DIS3L2: variants seen among roughly 807,000 people sequenced by gnomAD.
The protein encoded by DIS3L2 is DIS3 like 3'-5' exoribonuclease 2.
A neutral mutation model predicts 97.5 loss-of-function variants in DIS3L2; 34 were observed. The ratio of observed to expected loss-of-function variants is 0.35; its 90% confidence interval spans 0.27 to 0.46. The LOEUF is 0.46. Among genes scored for constraint, DIS3L2 ranks in the 20% least tolerant of loss-of-function variants. The pLI, the probability that DIS3L2 is intolerant of heterozygous loss-of-function variation, is 1.00. For synonymous variants in DIS3L2, 435 were observed against 445.2 expected, an observed-to-expected ratio of 0.98 and a Z score of 0.29; for missense variants, 1,038 against 1,146.0, an observed-to-expected ratio of 0.91 and a Z score of 1.36.
chr2:232,098,199 A>G (rs3100588), intron 6 of DIS3L2, among the ~76,000 whole-genome samples: 72,926 of 151,944 alleles, frequency 0.48, 19,319 homozygotes, highest in Non-Finnish European at 0.6. Flanking sequence ...AGAAATATAC[A>G]CAGAGGACAA....
chr2:232,201,480 T>C (rs6742242), intron 9 of DIS3L2, among the ~76,000 whole-genome samples: 84,092 of 152,134 alleles, frequency 0.55, 26,364 homozygotes, highest in East Asian at 0.83. Context: ...AAAAAAGCAA[T>C]GTTATATTTG....
intron 1 of DIS3L2, among the ~76,000 whole-genome samples, chr2:231,983,706 C>T (rs1444422900): frequency 6.6e-6 from 1 of 151,994 alleles, no homozygotes; most frequent in Non-Finnish European, 1.5e-5. Flanking sequence ...CTGCCTAACA[C>T]GTTGAAACAC....
intron 10 of DIS3L2, among the ~76,000 whole-genome samples, chr2:232,212,514 G>A (rs951876586): frequency 6.6e-5 from 10 of 152,264 alleles, no homozygotes; most frequent in African/African-American, 2.4e-4. Flanking sequence ...TTATGTCTAG[G>A]GCCCAAGTGT....
At chr2:232,098,135 C>G (rs188320059) in intron 6 of DIS3L2, among the ~76,000 whole-genome samples, 1 of 152,260 alleles carries the variant, frequency 6.6e-6, no homozygotes, top group Admixed American at 6.5e-5. Context: ...CCACAGTGTT[C>G]TAAGACCCAA....
At chr2:231,992,133 T>A (rs1693602903) in intron 1 of DIS3L2, among the ~76,000 whole-genome samples, 1 of 152,160 alleles carries the variant, frequency 6.6e-6, no homozygotes, top group Admixed American at 6.5e-5. Flanking sequence ...TATCAAAGAT[T>A]TCGTGGTCAA....
chr2:232,037,561 A>G lies in DIS3L2; in HGVS notation c.366+7481A>G, dbSNP rs990294119. Among the ~76,000 whole-genome samples, 1 of 152,100 alleles carries G rather than the reference A, an allele frequency of 6.6e-6. No homozygotes were observed. The highest frequency in any genetic ancestry group is 2.4e-5 in the African/African-American group (1 of 41,420). Reference sequence around the variant, plus strand: ...GGGTGAACAGTTCTCTCTCACTGGTATACCAGGAGTCACTGGGGTACGAAA... The same window carrying G: ...GGGTGAACAGTTCTCTCTCACTGGTGTACCAGGAGTCACTGGGGTACGAAA... On this transcript the variant is annotated intron_variant, in intron 5 of 20. Coordinates refer to ENST00000325385, the MANE Select transcript of DIS3L2 (RefSeq NM_152383.5). This position sits in a 1 kb window ranked among gnomAD's most constrained non-coding sequence, Gnocchi z 4.6.
At chr2:232,265,457 C>T (rs999009017) in intron 13 of DIS3L2, among the ~76,000 whole-genome samples, 1 of 152,254 alleles carries the variant, frequency 6.6e-6, no homozygotes, top group African/African-American at 2.4e-5. Context: ...AGCCAGTGCT[C>T]ATCCTTCCCT....
chr2:232,041,421 G>A (rs982659384), intron 5 of DIS3L2, among the ~76,000 whole-genome samples: 24 of 152,136 alleles, frequency 1.6e-4, no homozygotes, highest in Non-Finnish European at 3.1e-4. Context: ...AGAAATGTGG[G>A]ACTGTTTTGT....
chr2:232,183,102 C>A (rs956983599), intron 9 of DIS3L2, among the ~76,000 whole-genome samples: 2 of 152,118 alleles, frequency 1.3e-5, no homozygotes, highest in African/African-American at 2.4e-5. Context: ...GAAACCTCAC[C>A]CCTTTCACCA....
chr2:232,004,068 C>T (rs1003736565), intron 1 of DIS3L2, among the ~76,000 whole-genome samples: 3 of 148,092 alleles, frequency 2.0e-5, no homozygotes, highest in African/African-American at 7.3e-5. Context: ...AAATCAATTC[C>T]CCTTATTTAT....
intron 5 of DIS3L2, among the ~76,000 whole-genome samples, chr2:232,048,789 G>T (rs1186515907): frequency 6.6e-6 from 1 of 151,998 alleles, no homozygotes; most frequent in South Asian, 2.1e-4. Context: ...GTTGAAGGAG[G>T]TTGTTTATTA....
chr2:232,326,448 A>G (rs1402531062), intron 14 of DIS3L2, among the ~76,000 whole-genome samples: 5 of 152,110 alleles, frequency 3.3e-5, no homozygotes, highest in African/African-American at 1.2e-4. Flanking sequence ...CCCACCTTCC[A>G]GCCACCCCAG....
intron 5 of DIS3L2, among the ~76,000 whole-genome samples, chr2:232,086,463 A>G (rs1231116915): frequency 6.8e-6 from 1 of 148,138 alleles, no homozygotes; most frequent in African/African-American, 2.5e-5. Flanking sequence ...TGCAGATTGT[A>G]TAACAAAGTC....
At chr2:232,113,026 G>A (rs964431383) in intron 6 of DIS3L2, among the ~76,000 whole-genome samples, 12 of 152,038 alleles carry the variant, frequency 7.9e-5, no homozygotes, top group Non-Finnish European at 1.5e-4. Flanking sequence ...AAAATGGGCT[G>A]TGATGAGGTT....
downstream of DIS3L2, among the ~76,000 whole-genome samples, chr2:232,338,472 G>A (rs1473150848): frequency 2.0e-5 from 3 of 152,170 alleles, no homozygotes; most frequent in African/African-American, 7.2e-5. Context: ...AGAGCATGGC[G>A]GGTCCCTGGA....
At chr2:232,229,558 G>A (rs1482603671) in intron 10 of DIS3L2, among the ~76,000 whole-genome samples, 4 of 152,198 alleles carry the variant, frequency 2.6e-5, no homozygotes, top group South Asian at 2.1e-4. Flanking sequence ...AGCCTCGCAA[G>A]TTCAGCTCCT....
Position 232,330,734 on chromosome 2 carries a change from C to T in DIS3L2, c.1968C>T (p.Ala656=), listed in dbSNP as rs751457588. ...QTFGDDKYSL[A]RKEVLTNMCS... The stretch of plus-strand genomic sequence containing the variant: ...TTGGAGATGACAAGTACTCACTGGC[C>T]CGCAAGGAGGTGCTCACCAACATGT... The change falls in exon 16 of 21, where the codon GCC becomes GCT. Residue 656 remains alanine, a synonymous_variant. Coordinates refer to ENST00000325385, the MANE Select transcript of DIS3L2 (RefSeq NM_152383.5). 5 of 1,613,656 alleles carry T rather than the reference C, an allele frequency of 3.1e-6. No homozygotes were observed. In the South Asian group the frequency reaches 5.5e-5, roughly 18 times the overall value.
At chr2:232,090,316 A>C (rs887565491) in intron 6 of DIS3L2, among the ~76,000 whole-genome samples, 1 of 151,954 alleles carries the variant, frequency 6.6e-6, no homozygotes, top group Admixed American at 6.6e-5. Context: ...TTCTTTTTGC[A>C]TCCTTCCTAG....
chr2:232,247,090 C>A (rs1314174444), intron 11 of DIS3L2, among the ~76,000 whole-genome samples: 3 of 152,182 alleles, frequency 2.0e-5, no homozygotes, highest in African/African-American at 7.2e-5. Context: ...TAAGATACTG[C>A]CGTGAACACT....
Sources: gnomAD v4.1 joint callset for allele counts (sites outside exome capture counted in the v4.1 genomes callset) on GRCh38, gnomAD v4.1.1 for gene constraint, Gnocchi (gnomAD v3.1) non-coding constraint, MANE v1.5 for transcripts, NCBI Gene and HGNC (gene_info 2026-07-23, HGNC 2026-07-21) for gene names.